The following RAD51B variants were observed in gnomAD, a reference collection of about 807,000 sequenced individuals.
RAD51B encodes the protein RAD51 paralog B, also known as DNA repair protein RAD51 homolog 2.
RAD51B carries 38 observed loss-of-function variants against 42.2 expected under a neutral mutation model. That is an observed-to-expected ratio of 0.90 (90% CI 0.70 to 1.18). The LOEUF (loss-of-function observed/expected upper bound fraction) is 1.18, where lower values mean the gene tolerates loss of function less well. RAD51B is among the 50% of genes most tolerant of loss of function. RAD51B has a pLI of 0.00. For missense variants in RAD51B, 373 were observed against 400.7 expected (o/e 0.93, Z 0.59); for synonymous variants, 154 against 145.2 (o/e 1.06, Z -0.43).
rs140491845 is a variant in RAD51B, at chr14:68,149,415, A to G, written c.757-142469A>G. On this transcript the variant is annotated intron_variant, in intron 7 of 10. Transcript: ENST00000471583. ...AGTGTTTAGACTGATGTGAATGACT[A>G]TTTGGTCCAGCATCGTTTGTTGAAA... 5.9e-5 allele frequency among the ~76,000 whole-genome samples: 9 copies of G among 152,274 alleles called. No homozygotes were observed. In the East Asian group the frequency reaches 1.5e-3, roughly 26 times the overall value.
At chr14:68,385,270 C>T (rs1163655457) in intron 8 of RAD51B, among the ~76,000 whole-genome samples, 1 of 152,130 alleles carries the variant, frequency 6.6e-6, no homozygotes, top group African/African-American at 2.4e-5. Context: ...AGTTTTCTCC[C>T]CAGCCCCTGG....
At chr14:68,161,911 A>G (rs1264025341) in intron 7 of RAD51B, among the ~76,000 whole-genome samples, 1 of 152,210 alleles carries the variant, frequency 6.6e-6, no homozygotes, top group Non-Finnish European at 1.5e-5. Context: ...TAATTTCTGG[A>G]GACATTTTTT....
chr14:67,933,427 G>A (rs565043402), intron 7 of RAD51B, among the ~76,000 whole-genome samples: 87 of 152,296 alleles, frequency 5.7e-4, no homozygotes, highest in African/African-American at 2.0e-3. Context: ...TAGCAGCTTA[G>A]GCCTTGGGGG....
chr14:67,935,625 C>A (rs965740009), intron 7 of RAD51B, among the ~76,000 whole-genome samples: 6 of 152,184 alleles, frequency 3.9e-5, no homozygotes, highest in Admixed American at 3.9e-4. Flanking sequence ...CTTTGGCCTC[C>A]CAAAGTGTTG....
At chr14:68,000,715 T>G (rs1048109957) in intron 7 of RAD51B, among the ~76,000 whole-genome samples, 1 of 152,154 alleles carries the variant, frequency 6.6e-6, no homozygotes, top group Non-Finnish European at 1.5e-5. Context: ...TTGGAAAAAA[T>G]AAGCCTCATG....
At chr14:68,671,231 G>A (rs968010713) in intron 11 of RAD51B, among the ~76,000 whole-genome samples, 2 of 152,208 alleles carry the variant, frequency 1.3e-5, no homozygotes, top group Non-Finnish European at 2.9e-5. Flanking sequence ...TGAGGAAGGA[G>A]ATAGGAGGAA....
intron 11 of RAD51B, among the ~76,000 whole-genome samples, chr14:68,680,431 G>A (rs1259064265): frequency 6.6e-6 from 1 of 152,160 alleles, no homozygotes; most frequent in African/African-American, 2.4e-5. Context: ...CTGATCTGTT[G>A]TTAGTATTTA....
intron 7 of RAD51B, among the ~76,000 whole-genome samples, chr14:68,201,342 T>A (rs945874993): frequency 6.6e-6 from 1 of 152,242 alleles, no homozygotes; most frequent in African/African-American, 2.4e-5. Flanking sequence ...AAGAACAGTT[T>A]TGAATCTTAG....
intron 7 of RAD51B, among the ~76,000 whole-genome samples, chr14:68,276,427 C>T (rs1044198334): frequency 3.3e-5 from 5 of 152,136 alleles, no homozygotes; most frequent in Admixed American, 3.3e-4. Context: ...TTTTTTTAAA[C>T]AGAAAAATAT....
intron 7 of RAD51B, among the ~76,000 whole-genome samples, chr14:67,895,168 A>G (rs1180811583): frequency 2.0e-5 from 3 of 152,234 alleles, no homozygotes; most frequent in Non-Finnish European, 4.4e-5. Context: ...CTAAAGTTGT[A>G]TGCTAAGAAA....
chr14:68,596,393 T>A (rs1014718104), downstream of RAD51B, among the ~76,000 whole-genome samples: 10 of 152,130 alleles, frequency 6.6e-5, no homozygotes, highest in Non-Finnish European at 1.5e-5. Context: ...ATTCATCCCT[T>A]CTCGTAAGCC....
intron 7 of RAD51B, among the ~76,000 whole-genome samples, chr14:67,979,145 C>CA (rs2075046063): frequency 1.3e-5 from 2 of 152,204 alleles, no homozygotes; most frequent in Admixed American, 6.5e-5. Flanking sequence ...TCACTGTAAA[C>CA]AACTCTGCAA....
intron 7 of RAD51B, among the ~76,000 whole-genome samples, chr14:68,287,355 T>C (rs1221013112): frequency 1.3e-5 from 2 of 152,182 alleles, no homozygotes; most frequent in Non-Finnish European, 2.9e-5. Flanking sequence ...AAAGAAGCTT[T>C]GGGAGTAAGC....
chr14:68,332,110 G>A (rs1036203271), intron 8 of RAD51B, among the ~76,000 whole-genome samples: 5 of 152,152 alleles, frequency 3.3e-5, no homozygotes, highest in African/African-American at 1.2e-4. Context: ...CAAGAAGCTG[G>A]TTTCTAAGTT....
rs190179606 is a variant in RAD51B at position 68,052,002 on chromosome 14, A to G, written c.756+164798A>G. ...CCCTTGAGGTTTAAGGCATTTTGAC[A>G]TGTAAATTGTACACCAATAGATAGG... On this transcript the variant is annotated intron_variant, in intron 7 of 10. Coordinates refer to ENST00000471583, the MANE Select transcript of RAD51B (RefSeq NM_133510.4). 5.3e-5 allele frequency among the ~76,000 whole-genome samples: 8 copies of G among 152,316 alleles called. No individual in the cohort carries two copies. In the East Asian group the frequency reaches 1.5e-3, roughly 29 times the overall value.
intron 7 of RAD51B, among the ~76,000 whole-genome samples, chr14:68,052,323 A>G (rs2076405949): frequency 6.6e-6 from 1 of 152,154 alleles, no homozygotes; most frequent in South Asian, 2.1e-4. Context: ...AATATATACA[A>G]CAAATGCTGT....
chr14:67,841,700 G>A (rs1018232578), intron 4 of RAD51B, among the ~76,000 whole-genome samples: 7 of 151,892 alleles, frequency 4.6e-5, no homozygotes, highest in Non-Finnish European at 7.4e-5. Context: ...TTTTATTTTC[G>A]TTGACTTTGT....
At chr14:68,315,643 T>TC (rs1390008614) in intron 8 of RAD51B, among the ~76,000 whole-genome samples, 6 of 152,110 alleles carry the variant, frequency 3.9e-5, no homozygotes, top group Non-Finnish European at 8.8e-5. Context: ...TGCCTCAGCC[T>TC]CCCGAGTAGC....
chr14:67,978,309 C>T (rs1236635239), intron 7 of RAD51B, among the ~76,000 whole-genome samples: 2 of 152,044 alleles, frequency 1.3e-5, no homozygotes, highest in South Asian at 4.1e-4. Context: ...GTTCTTGATT[C>T]TTACCTTTTA....
Sources: allele counts gnomAD v4.1 joint callset (sites outside exome capture counted in the v4.1 genomes callset), GRCh38; gene constraint gnomAD v4.1.1; transcripts MANE v1.5; gene names NCBI Gene and HGNC (gene_info 2026-07-23, HGNC 2026-07-21).